The following MEG3 variants were observed in gnomAD, a reference collection of about 807,000 sequenced individuals.
The protein encoded by MEG3 is Very putative protein from MEG3 locus.
At chr14:100,841,638 C>T (rs900793486) in intron 2 of MEG3, among the ~76,000 whole-genome samples, 3 of 151,762 alleles carry the variant, frequency 2.0e-5, no homozygotes, top group African/African-American at 7.3e-5. Context: ...CCTGTGTGGT[C>T]GGGGGGGGTC....
At chr14:100,834,908 C>T (rs1000767304) in exon 1 of MEG3, 26 of 427,166 alleles carry the variant, frequency 6.1e-5, no homozygotes, top group East Asian at 1.4e-4. Context: ...TTGCTGGTCG[C>T]GTCCCTGCAT....
chr14:100,832,789 A>T (rs898819785), downstream of MEG3: 1 of 152,504 alleles, frequency 6.6e-6, no homozygotes, highest in African/African-American at 2.4e-5. Flanking sequence ...TGAAAGTTGC[A>T]GGCAGCTTTG....
At chr14:100,836,231 C>T in exon 2 of MEG3, 1 of 456,726 alleles carries the variant, frequency 2.2e-6, no homozygotes, top group South Asian at 1.5e-5. Context: ...GGAAGAGGCC[C>T]TGATGGGGCC....
intron 3 of MEG3, chr14:100,846,109 G>A (rs1047889883): frequency 6.6e-6 from 1 of 152,248 alleles, no homozygotes; most frequent in African/African-American, 2.4e-5. Flanking sequence ...ATGTTAATGG[G>A]TAGTTTCTTT....
chr14:100,845,165 G>A lies in MEG3; in HGVS notation n.3046-293G>A, dbSNP rs79415816. ...GCCACCCCCGTTTCTCATCTATGCA[G>A]GGTCCTAAGCCTTTGGGTCCCACAG... On this transcript the variant is annotated intron_variant and non_coding_transcript_variant, in intron 2 of 3. Transcript: ENST00000398461. The surrounding 1 kb of genome is among the most constrained non-coding windows in gnomAD (Gnocchi z 5.2). 1.1e-3 allele frequency among the ~76,000 whole-genome samples: 171 copies of A among 152,324 alleles called. 1 individual carries two copies. Among genetic ancestry groups the A allele is most frequent in the African/African-American group, 3.9e-3 (163 of 41,580 alleles).
At chr14:100,857,673 G>C (rs963665328) in exon 1 of MEG3, 2 of 152,162 alleles carry the variant, frequency 1.3e-5, no homozygotes, top group African/African-American at 4.8e-5. Context: ...CCATTCCAAC[G>C]TGGGCTGCTG....
At chr14:100,852,169 G>T (rs777255897) in intron 3 of MEG3, 12 of 369,914 alleles carry the variant, frequency 3.2e-5, no homozygotes, top group Non-Finnish European at 5.5e-5. Flanking sequence ...GGGATGGGGA[G>T]TGCGGGCGCA....
At chr14:100,850,715 A>G (rs2038048313) in intron 3 of MEG3, 1 of 152,246 alleles carries the variant, frequency 6.6e-6, no homozygotes, top group African/African-American at 2.4e-5. Context: ...TGAATAAAGA[A>G]TAAAATAATG....
At chr14:100,860,717 A>T (rs972719745) in intron 1 of MEG3, 3 of 456,444 alleles carry the variant, frequency 6.6e-6, no homozygotes, top group Non-Finnish European at 1.3e-5. Context: ...GACACCCTGC[A>T]CCTATTCCCA....
chr14:100,845,553 A>G lies in MEG3; in HGVS notation n.3121+20A>G. On this transcript the variant is annotated intron_variant and non_coding_transcript_variant, in intron 3 of 3. Transcript: ENST00000398461. This position sits in a 1 kb window ranked among gnomAD's most constrained non-coding sequence, Gnocchi z 5.2. ...GAAATCGTAAGTGGCTGGAGTGTAA[A>G]GAACACACATGTGGCCTTGCTGCTG... 1 of 456,026 alleles carries G rather than the reference A, an allele frequency of 2.2e-6. No homozygotes were observed. The highest frequency in any genetic ancestry group is 4.4e-6 in the Non-Finnish European group (1 of 226,578). The allele number at this position is 456,026 out of a possible 1,614,324, so 28.2% of individuals were successfully genotyped here. A position where few individuals can be genotyped will look rare whatever the true frequency, so the allele number is the denominator to read the frequency against.
At chr14:100,828,028 C>G (rs867129059) in intron 1 of MEG3, among the ~76,000 whole-genome samples, 8 of 152,074 alleles carry the variant, frequency 5.3e-5, no homozygotes, top group South Asian at 2.1e-4. Flanking sequence ...GGCGCTGCGC[C>G]GCAGCCACAG....
chr14:100,858,101 C>T (rs1485040178), exon 1 of MEG3: 4 of 152,248 alleles, frequency 2.6e-5, no homozygotes, highest in African/African-American at 7.2e-5. Context: ...CCAGGACTTC[C>T]CAGTCTTGCA....
chr14:100,859,101 C>T (rs547573626), exon 1 of MEG3: 1 of 152,396 alleles, frequency 6.6e-6, no homozygotes, highest in South Asian at 2.1e-4. Flanking sequence ...CCCTTTACAC[C>T]CTGCCTCCTG....
rs185439486 is a variant in MEG3 at position 100,838,823 on chromosome 14, G to A, written n.3045+2523G>A. On this transcript the variant is annotated intron_variant and non_coding_transcript_variant, in intron 2 of 3. Coordinates refer to the MEG3 transcript ENST00000398461. ...AAGAGGGTAGCTCAGGCCTGAGCTCGTGGAAAGGAAGAACATGACCCCTCA... is the reference window on the plus strand; with the variant it reads ...AAGAGGGTAGCTCAGGCCTGAGCTCATGGAAAGGAAGAACATGACCCCTCA... Among the ~76,000 whole-genome samples, 30 of 152,156 alleles carry A rather than the reference G, an allele frequency of 2.0e-4. 1 individual carries two copies. The East Asian group carries it at 5.3e-3, about 27-fold the overall frequency.
At chr14:100,852,289 G>A, upstream of MEG3, 3 of 525,014 alleles carry the variant, frequency 5.7e-6, no homozygotes, top group South Asian at 1.4e-5. Context: ...ATATGAAGGA[G>A]GGAGGGAGGC....
At chr14:100,847,536 G>A (rs1202652640) in intron 3 of MEG3, 1 of 152,226 alleles carries the variant, frequency 6.6e-6, no homozygotes, top group Non-Finnish European at 1.5e-5. Context: ...AAGGCAATGC[G>A]ATCGATGGTG....
chr14:100,860,371 G>A, intron 1 of MEG3: 1 of 328,472 alleles, frequency 3.0e-6, no homozygotes, highest in Non-Finnish European at 6.0e-6. Context: ...AGAGTCCTGG[G>A]TTCTGGGTTA....
upstream of MEG3, chr14:100,855,729 G>A (rs775578874): frequency 1.3e-5 from 2 of 152,154 alleles, no homozygotes; most frequent in Non-Finnish European, 2.9e-5. Context: ...CCAAGGACCC[G>A]CTGCCGCATT....
In MEG3 at chr14:100,845,109, C is replaced by T. The variant is rs942017528; in HGVS notation, n.3046-349C>T. Among the ~76,000 whole-genome samples the T allele has an allele frequency of 1.3e-5, 2 of 152,228 alleles. No homozygotes were observed. Among genetic ancestry groups the T allele is most frequent in the African/African-American group, 2.4e-5 (1 of 41,462 alleles). ...CCTGGGCACCTTGCTTCTGCCAGAG[C>T]ACAGGTTCATGCCCTGTCTTCAGGG... On this transcript the variant is annotated intron_variant and non_coding_transcript_variant, in intron 2 of 3. Coordinates refer to the MEG3 transcript ENST00000398461. The surrounding 1 kb of genome is among the most constrained non-coding windows in gnomAD (Gnocchi z 5.2).
Sources: gnomAD v4.1 joint callset for allele counts (sites outside exome capture counted in the v4.1 genomes callset) on GRCh38, gnomAD v4.1.1 for gene constraint, Gnocchi (gnomAD v3.1) non-coding constraint, MANE v1.5 for transcripts, NCBI Gene and HGNC (gene_info 2026-07-23, HGNC 2026-07-21) for gene names.